RALGPS1: variants seen among roughly 807,000 people sequenced by gnomAD.
RALGPS1 encodes ras-specific guanine nucleotide-releasing factor RalGPS1.
RALGPS1 carries 19 observed loss-of-function variants against 78.8 expected under a neutral mutation model. The observed-to-expected ratio is 0.24, with a 90% CI of 0.17 to 0.35. The LOEUF (loss-of-function observed/expected upper bound fraction) is 0.35. Ranked by LOEUF, RALGPS1 falls within the 10% of genes least tolerant of loss-of-function variation. The pLI is 1.00. For synonymous variants in RALGPS1, 228 were observed against 256.3 expected (o/e 0.89, Z 1.06); for missense variants, 454 against 688.3 (o/e 0.66, Z 3.81).
chr9:127,179,530 G>T (rs1478775252), intron 11 of RALGPS1, among the ~76,000 whole-genome samples: 2 of 152,200 alleles, frequency 1.3e-5, no homozygotes, highest in African/African-American at 4.8e-5. Context: ...TCAGCTCGGT[G>T]CCCTTTCCAG....
chr9:127,182,225 C>T (rs1340992284), intron 11 of RALGPS1, among the ~76,000 whole-genome samples: 1 of 151,542 alleles, frequency 6.6e-6, no homozygotes, highest in Admixed American at 6.6e-5. Context: ...TGTACCTTAG[C>T]TTCCTGAGGC....
intron 8 of RALGPS1, among the ~76,000 whole-genome samples, chr9:127,128,793 C>A (rs547289100): frequency 1.3e-5 from 2 of 152,274 alleles, no homozygotes; most frequent in East Asian, 3.9e-4. Context: ...ACTTGTGGGA[C>A]GATTCTAAGG....
At chr9:127,139,914 A>G (rs2138610508) in intron 8 of RALGPS1, among the ~76,000 whole-genome samples, 1 of 152,346 alleles carries the variant, frequency 6.6e-6, no homozygotes, top group East Asian at 1.9e-4. Context: ...TGTTAAGAAT[A>G]GATACAAATC....
intron 4 of RALGPS1, among the ~76,000 whole-genome samples, chr9:127,021,671 C>T (rs1183064311): frequency 9.9e-5 from 13 of 131,704 alleles, no homozygotes; most frequent in African/African-American, 2.0e-4. Context: ...ATGATGTATT[C>T]GGAAAAAAAC....
intron 4 of RALGPS1, among the ~76,000 whole-genome samples, chr9:126,982,922 C>T (rs867102622): frequency 6.6e-4 from 47 of 71,168 alleles, no homozygotes; most frequent in South Asian, 1.5e-3. Context: ...TCTTCTTCTT[C>T]TTCTTCTTTT....
intron 3 of RALGPS1, among the ~76,000 whole-genome samples, chr9:126,976,377 T>G (rs1271410737): frequency 2.0e-5 from 3 of 147,790 alleles, no homozygotes; most frequent in Non-Finnish European, 4.5e-5. Context: ...ATACACACAC[T>G]TATACGCTTA....
chr9:126,945,397 G>A (rs934154474), intron 1 of RALGPS1, among the ~76,000 whole-genome samples: 4 of 151,912 alleles, frequency 2.6e-5, no homozygotes, highest in African/African-American at 4.8e-5. Flanking sequence ...ACGGGGTTTC[G>A]CCATGTTAGC....
chr9:127,182,976 C>T (rs947548275), intron 11 of RALGPS1, among the ~76,000 whole-genome samples: 1 of 152,138 alleles, frequency 6.6e-6, no homozygotes, highest in Non-Finnish European at 1.5e-5. Context: ...CCTCAAGAAG[C>T]TTACAGAAGG....
intron 8 of RALGPS1, among the ~76,000 whole-genome samples, chr9:127,085,150 G>A (rs1166659982): frequency 6.6e-6 from 1 of 152,174 alleles, no homozygotes. Context: ...AAACATCACT[G>A]TCTTCTGGCC....
intron 7 of RALGPS1, among the ~76,000 whole-genome samples, chr9:127,064,313 C>G (rs2135717823): frequency 6.6e-6 from 1 of 152,224 alleles, no homozygotes; most frequent in South Asian, 2.1e-4. Context: ...TCTAAGGGAC[C>G]CTCAAGTTCA....
rs755211784 is a variant in RALGPS1, at chr9:127,196,470, C to T, written c.1038-4C>T. ...TGCCTTCTTTCTTCCTTTCCATTTT[C>T]CAGTATGATGTGTCAGTTGAGTGTA... On this transcript the variant is annotated splice_polypyrimidine_tract_variant and splice_region_variant and intron_variant, in intron 12 of 18. Transcript: ENST00000259351. The T allele has an allele frequency of 6.2e-7, 1 of 1,608,620 alleles. No homozygotes were observed.
At chr9:127,065,605 GTTTA>G (rs2049619463) in intron 7 of RALGPS1, among the ~76,000 whole-genome samples, 1 of 151,970 alleles carries the variant, frequency 6.6e-6, no homozygotes, top group African/African-American at 2.4e-5. Flanking sequence ...ATTATTTTAT[GTTTA>G]TTTTTTATTA....
At chr9:127,060,509 CTGTTGTTGTTGTTGT>C (rs35010607) in intron 7 of RALGPS1, among the ~76,000 whole-genome samples, 5 of 150,874 alleles carry the variant, frequency 3.3e-5, no homozygotes, top group East Asian at 1.9e-4. Flanking sequence ...TAAGTATTAC[CTGTTGTTGTTGTTGT>C]TGTTGTTGTT....
At chr9:126,999,478 A>G (rs1263858034) in intron 4 of RALGPS1, among the ~76,000 whole-genome samples, 5 of 152,166 alleles carry the variant, frequency 3.3e-5, no homozygotes, top group African/African-American at 7.2e-5. Context: ...TGCCCCACCT[A>G]TTCATCTCTT....
chr9:127,125,624 C>A (rs2056557945), intron 8 of RALGPS1, among the ~76,000 whole-genome samples: 1 of 152,170 alleles, frequency 6.6e-6, no homozygotes, highest in Non-Finnish European at 1.5e-5. Context: ...AGACTTCTCC[C>A]CACTCCCACC....
intron 11 of RALGPS1, among the ~76,000 whole-genome samples, chr9:127,188,997 C>CAAAAA (rs543909572): frequency 1.8e-5 from 1 of 56,826 alleles, no homozygotes; most frequent in South Asian, 1.1e-3. Flanking sequence ...AAGACTGTCT[C>CAAAAA]AAAAAAAAAA....
At chr9:127,089,973 G>T (rs1350247471) in intron 8 of RALGPS1, among the ~76,000 whole-genome samples, 1 of 152,222 alleles carries the variant, frequency 6.6e-6, no homozygotes, top group African/African-American at 2.4e-5. Flanking sequence ...GGGTTGGAGG[G>T]CCCAACAGAG....
intron 1 of RALGPS1, among the ~76,000 whole-genome samples, chr9:126,940,748 A>G (rs1051472669): frequency 1.1e-4 from 16 of 151,996 alleles, no homozygotes; most frequent in African/African-American, 3.6e-4. Flanking sequence ...CTTTCTCGGC[A>G]TGGTTGTATG....
At chr9:127,020,928 G>T (rs566278178) in intron 4 of RALGPS1, among the ~76,000 whole-genome samples, 131 of 152,302 alleles carry the variant, frequency 8.6e-4, no homozygotes, top group African/African-American at 3.0e-3. Context: ...TTTCATAGGG[G>T]TGTTGTGAGA....
Sources: allele counts gnomAD v4.1 joint callset (sites outside exome capture counted in the v4.1 genomes callset), GRCh38; gene constraint gnomAD v4.1.1; transcripts MANE v1.5; gene names NCBI Gene and HGNC (gene_info 2026-07-23, HGNC 2026-07-21).